The following SLC8A3 variants were observed in gnomAD, a reference collection of about 807,000 sequenced individuals.
The protein encoded by SLC8A3 is solute carrier family 8 member A3.
Under a neutral mutation model 65.4 loss-of-function variants are expected in SLC8A3, and 37 were observed. The ratio of observed to expected loss-of-function variants is 0.57; its 90% CI spans 0.44 to 0.74. SLC8A3 has a LOEUF of 0.74. SLC8A3 is among the 30% of genes least tolerant of loss of function. SLC8A3 has a pLI of 0.00. For missense variants in SLC8A3, 1,112 were observed against 1,172.1 expected, an observed-to-expected ratio of 0.95 and a Z score of 0.75; for synonymous variants, 461 against 444.5, an observed-to-expected ratio of 1.04 and a Z score of -0.47.
chr14:70,069,052 CAG>C (rs1233636076), intron 2 of SLC8A3, among the ~76,000 whole-genome samples: 1 of 152,210 alleles, frequency 6.6e-6, no homozygotes, highest in African/African-American at 2.4e-5. Flanking sequence ...GATGAGAAAA[CAG>C]ATGCTCAAAG....
intron 1 of SLC8A3, among the ~76,000 whole-genome samples, chr14:70,176,671 T>C (rs1043059152): frequency 1.3e-5 from 2 of 152,216 alleles, no homozygotes; most frequent in South Asian, 2.1e-4. Flanking sequence ...CATCTCACCT[T>C]CTTGAAGTCT....
intron 2 of SLC8A3, among the ~76,000 whole-genome samples, chr14:70,070,488 G>C (rs1039684234): frequency 6.6e-6 from 1 of 152,146 alleles, no homozygotes; most frequent in African/African-American, 2.4e-5. Flanking sequence ...AAACAGTGTG[G>C]CTCTAAAGAT....
chr14:70,161,307 A>AAAG (rs1896879778), intron 2 of SLC8A3, among the ~76,000 whole-genome samples: 1 of 147,220 alleles, frequency 6.8e-6, no homozygotes, highest in Non-Finnish European at 1.5e-5. Flanking sequence ...AAAAAAAAAA[A>AAAG]AAAAAAAAAA....
At chr14:70,187,947 C>T (rs1883470802) in intron 1 of SLC8A3, among the ~76,000 whole-genome samples, 1 of 152,126 alleles carries the variant, frequency 6.6e-6, no homozygotes, top group Non-Finnish European at 1.5e-5. Flanking sequence ...GCACCAGAAG[C>T]ACAACACGCC....
At chr14:70,157,015 C>A (rs1188368608) in intron 2 of SLC8A3, among the ~76,000 whole-genome samples, 1 of 152,170 alleles carries the variant, frequency 6.6e-6, no homozygotes, top group African/African-American at 2.4e-5. Flanking sequence ...GAGATATGTG[C>A]CACAAGCATC....
chr14:70,104,496 C>T (rs1438217857), intron 2 of SLC8A3, among the ~76,000 whole-genome samples: 1 of 152,012 alleles, frequency 6.6e-6, no homozygotes, highest in Admixed American at 6.6e-5. Flanking sequence ...TGAATCAATT[C>T]GTCTATTATT....
At chr14:70,123,530 A>G (rs182441443) in intron 2 of SLC8A3, among the ~76,000 whole-genome samples, 217 of 150,286 alleles carry the variant, frequency 1.4e-3, no homozygotes, top group African/African-American at 5.1e-3. Flanking sequence ...GCTCACTGCA[A>G]CCTCCACCTC....
intron 2 of SLC8A3, among the ~76,000 whole-genome samples, chr14:70,072,298 C>A (rs1340358227): frequency 6.6e-6 from 1 of 152,088 alleles, no homozygotes; most frequent in Non-Finnish European, 1.5e-5. Context: ...TGATTATGGA[C>A]CTAGGGTTCA....
chr14:70,145,700 G>GGACAT (rs2140288124), intron 2 of SLC8A3, among the ~76,000 whole-genome samples: 1 of 152,208 alleles, frequency 6.6e-6, no homozygotes, highest in South Asian at 2.1e-4. Flanking sequence ...GGGAGGAAGG[G>GGACAT]GACATGAAAG....
chr14:70,185,011 A>T (rs1258634237), intron 1 of SLC8A3, among the ~76,000 whole-genome samples: 1 of 143,042 alleles, frequency 7.0e-6, no homozygotes, highest in Admixed American at 7.4e-5. Context: ...CTGTCGCCCA[A>T]GCTGGAGTGC....
At position 70,045,983 on chromosome 14, in the gene SLC8A3, G is replaced by A. The variant is rs1363074115; in HGVS notation, c.2730C>T (p.Ala910=). 1 of 1,607,106 alleles carries A rather than the reference G, an allele frequency of 6.2e-7. No homozygotes were observed. The highest frequency in any genetic ancestry group is 1.3e-5 in the African/African-American group (1 of 74,810). ...TGATGTAGCAATAGGCCTCTAGTGT[G>A]GCAAAGAGTATGTAGAGGAGCCACA... is the stretch of plus-strand genomic sequence containing the variant. ...VSLWLLYILF[A]TLEAYCYIKG... Residue 910 remains alanine, a synonymous_variant, in exon 7 of 7, where the codon GCC becomes GCT. Coordinates refer to ENST00000356921, the MANE Select transcript of SLC8A3 (RefSeq NM_182932.3).
intron 2 of SLC8A3, among the ~76,000 whole-genome samples, chr14:70,096,217 T>C (rs1245864590): frequency 6.6e-6 from 1 of 152,172 alleles, no homozygotes; most frequent in Non-Finnish European, 1.5e-5. Flanking sequence ...TATAGATATA[T>C]AAAAGGTGCC....
intron 2 of SLC8A3, among the ~76,000 whole-genome samples, chr14:70,097,688 T>C (rs924640524): frequency 2.0e-5 from 3 of 151,648 alleles, no homozygotes; most frequent in South Asian, 4.2e-4. Flanking sequence ...CTGCATGTGG[T>C]TTTTTTTTAA....
Position 70,186,024 on chromosome 14 carries a change from C to T in SLC8A3, c.-63+2355G>A, listed in dbSNP as rs372308622. On this transcript the variant is annotated intron_variant, in intron 1 of 6. Transcript: ENST00000356921. The stretch of plus-strand genomic sequence containing the variant: ...AATATGGCTTGGCTGTGTCCCCACC[C>T]AAATCTCATCTTGAATTGTAGTTCC... Among the ~76,000 whole-genome samples the T allele has an allele frequency of 1.7e-3, 255 of 152,264 alleles. 1 individual carries two copies. Among genetic ancestry groups the T allele is most frequent in the African/African-American group, 5.8e-3 (241 of 41,550 alleles).
At chr14:70,069,684 A>G (rs1328034774) in intron 2 of SLC8A3, among the ~76,000 whole-genome samples, 1 of 152,136 alleles carries the variant, frequency 6.6e-6, no homozygotes, top group African/African-American at 2.4e-5. Flanking sequence ...TGTCACCAAC[A>G]ACCCAACACT....
intron 2 of SLC8A3, among the ~76,000 whole-genome samples, chr14:70,081,150 C>G (rs1891019997): frequency 6.6e-6 from 1 of 152,138 alleles, no homozygotes; most frequent in Non-Finnish European, 1.5e-5. Flanking sequence ...GGAGAATCTC[C>G]CTTCGACAAA....
At chr14:70,126,570 TCACACACACACA>T (rs55776930) in intron 2 of SLC8A3, among the ~76,000 whole-genome samples, 25 of 117,114 alleles carry the variant, frequency 2.1e-4, no homozygotes, top group African/African-American at 7.7e-4. Context: ...TCTCTCTCTC[TCACACACACACA>T]CACACACACA....
upstream of SLC8A3, among the ~76,000 whole-genome samples, chr14:70,189,234 AC>A (rs949763133): frequency 3.3e-5 from 5 of 151,754 alleles, no homozygotes; most frequent in Non-Finnish European, 5.9e-5. Flanking sequence ...CCCCGCGGCC[AC>A]CCACCCTAGT....
At chr14:70,086,401 C>CTTTTTT (rs10605312) in intron 2 of SLC8A3, among the ~76,000 whole-genome samples, 24 of 116,114 alleles carry the variant, frequency 2.1e-4, no homozygotes, top group Non-Finnish European at 2.7e-4. Flanking sequence ...TTTCTTTTTT[C>CTTTTTT]TTTTTTTTTT....
Sources: allele counts gnomAD v4.1 joint callset (sites outside exome capture counted in the v4.1 genomes callset), GRCh38; gene constraint gnomAD v4.1.1; transcripts MANE v1.5; gene names NCBI Gene and HGNC (gene_info 2026-07-23, HGNC 2026-07-21).